The following HDAC9 variants were observed in gnomAD, a reference collection of about 807,000 sequenced individuals.
The protein encoded by HDAC9 is MEF-2 interacting transcription repressor (MITR) protein.
A neutral mutation model predicts 139.4 loss-of-function variants in HDAC9; 41 were observed. That is an observed-to-expected ratio of 0.29 (90% CI 0.23 to 0.38). The LOEUF (loss-of-function observed/expected upper bound fraction) is 0.38. HDAC9 is among the 10% of genes least tolerant of loss of function. The probability of loss-of-function intolerance (pLI) is 1.00; values close to 1 mark genes in which losing one functional copy is unlikely to be tolerated. For synonymous variants in HDAC9, 517 were observed against 476.2 expected, an observed-to-expected ratio of 1.09 and a Z score of -1.12; for missense variants, 1,147 against 1,297.0, an observed-to-expected ratio of 0.88 and a Z score of 1.78.
chr7:18,210,693 G>A (rs1397077567), intron 2 of HDAC9, among the ~76,000 whole-genome samples: 1 of 152,144 alleles, frequency 6.6e-6, no homozygotes, highest in Non-Finnish European at 1.5e-5. Context: ...GTTCAAGGTA[G>A]GATATTAGAT....
intron 1 of HDAC9, among the ~76,000 whole-genome samples, chr7:18,117,966 C>A (rs539623523): frequency 6.6e-6 from 1 of 152,284 alleles, no homozygotes; most frequent in South Asian, 2.1e-4. Context: ...ACACATTAGA[C>A]AACTGGGCTC....
intron 1 of HDAC9, among the ~76,000 whole-genome samples, chr7:18,441,892 C>A (rs971769695): frequency 6.6e-6 from 1 of 152,080 alleles, no homozygotes; most frequent in African/African-American, 2.4e-5. Flanking sequence ...CTCAGCCTCC[C>A]GAGTAGCTGG....
chr7:18,926,032 T>C (rs955140546), intron 22 of HDAC9, among the ~76,000 whole-genome samples: 4 of 152,122 alleles, frequency 2.6e-5, no homozygotes, highest in African/African-American at 9.7e-5. Flanking sequence ...TCTGTAATTG[T>C]TAAATGAAAA....
chr7:18,865,431 A>G (rs1798418186), intron 21 of HDAC9, among the ~76,000 whole-genome samples: 1 of 152,152 alleles, frequency 6.6e-6, no homozygotes, highest in African/African-American at 2.4e-5. Flanking sequence ...GGTGGTGTGA[A>G]GAGTTGGAGG....
At chr7:18,308,720 C>T (rs142729837) in intron 1 of HDAC9, among the ~76,000 whole-genome samples, 14 of 151,922 alleles carry the variant, frequency 9.2e-5, no homozygotes, top group African/African-American at 4.8e-5. Flanking sequence ...TATGTGTGTA[C>T]GTGTGTATAT....
At chr7:18,614,973 T>C (rs1838178615) in intron 6 of HDAC9, among the ~76,000 whole-genome samples, 1 of 152,198 alleles carries the variant, frequency 6.6e-6, no homozygotes, top group Non-Finnish European at 1.5e-5. Context: ...GATACCTCCC[T>C]GTTGACTTTA....
chr7:18,170,861 G>C (rs1788377278), intron 2 of HDAC9, among the ~76,000 whole-genome samples: 1 of 152,200 alleles, frequency 6.6e-6, no homozygotes, highest in Non-Finnish European at 1.5e-5. Flanking sequence ...TTGTAGTATA[G>C]TTTGAAGTCA....
intron 2 of HDAC9, among the ~76,000 whole-genome samples, chr7:18,561,488 G>A (rs1008859282): frequency 2.6e-5 from 4 of 152,246 alleles, no homozygotes; most frequent in Admixed American, 2.0e-4. Context: ...GTACAATTGA[G>A]TATATTTTAG....
chr7:18,285,258 A>C (rs2128221877), intron 2 of HDAC9, among the ~76,000 whole-genome samples: 1 of 152,146 alleles, frequency 6.6e-6, no homozygotes, highest in South Asian at 2.1e-4. Context: ...TTTCTTACTC[A>C]GTATTGTTCA....
Position 18,377,700 on chromosome 7 carries a change from A to G in HDAC9, c.-42+87185A>G, listed in dbSNP as rs75757751. Reference sequence around the variant, plus strand: ...ATTCTTTCAGTAAATTGGGTGGACTATGGATTCATATTGAGCAGTTGTTCT... The same window carrying G: ...ATTCTTTCAGTAAATTGGGTGGACTGTGGATTCATATTGAGCAGTTGTTCT... On this transcript the variant is annotated intron_variant, in intron 1 of 3. Coordinates refer to the HDAC9 transcript ENST00000413509. Among the ~76,000 whole-genome samples the G allele has an allele frequency of 1.7e-3, 252 of 152,286 alleles. 1 individual carries two copies. The East Asian group carries it at 0.036, about 22-fold the overall frequency.
intron 2 of HDAC9, among the ~76,000 whole-genome samples, chr7:18,187,552 C>T (rs1286235136): frequency 1.3e-5 from 2 of 152,148 alleles, no homozygotes; most frequent in Non-Finnish European, 2.9e-5. Flanking sequence ...TAACTCTATT[C>T]CCCTCCACAT....
At chr7:18,858,797 C>T (rs1169819946) in intron 21 of HDAC9, among the ~76,000 whole-genome samples, 5 of 152,070 alleles carry the variant, frequency 3.3e-5, no homozygotes, top group Admixed American at 3.3e-4. Flanking sequence ...TAAGTTGCTG[C>T]TGAATAAATA....
chr7:18,190,864 T>TTACCTTTGTAAACTCC (rs1790302686), intron 2 of HDAC9, among the ~76,000 whole-genome samples: 1 of 152,196 alleles, frequency 6.6e-6, no homozygotes, highest in Non-Finnish European at 1.5e-5. Flanking sequence ...TATGCATGTT[T>TTACCTTTGTAAACTCC]TACCTTTGTA....
At chr7:18,331,716 C>T (rs1053567747) in intron 1 of HDAC9, among the ~76,000 whole-genome samples, 2 of 151,588 alleles carry the variant, frequency 1.3e-5, no homozygotes, top group Admixed American at 6.6e-5. Flanking sequence ...ATACTACCTA[C>T]CTTATTCGAG....
chr7:18,242,923 G>C (rs1295993845), intron 2 of HDAC9, among the ~76,000 whole-genome samples: 1 of 152,140 alleles, frequency 6.6e-6, no homozygotes, highest in Non-Finnish European at 1.5e-5. Flanking sequence ...ATGCTCTGTT[G>C]TTAGGTGCAT....
At chr7:18,915,063 T>C (rs919943059) in intron 22 of HDAC9, among the ~76,000 whole-genome samples, 7 of 152,094 alleles carry the variant, frequency 4.6e-5, no homozygotes, top group Non-Finnish European at 8.8e-5. Flanking sequence ...ATATGACCAC[T>C]GACTGACAAC....
chr7:18,659,512 G>A (rs536708090), intron 11 of HDAC9, among the ~76,000 whole-genome samples: 1 of 152,212 alleles, frequency 6.6e-6, no homozygotes, highest in South Asian at 2.1e-4. Flanking sequence ...CTGGCACACA[G>A]AACAACATCT....
At chr7:18,093,207 C>T (rs1370667778) in intron 1 of HDAC9, among the ~76,000 whole-genome samples, 2 of 152,170 alleles carry the variant, frequency 1.3e-5, no homozygotes, top group South Asian at 2.1e-4. Flanking sequence ...CTCCCTTCTC[C>T]CCTGGCAGGT....
intron 6 of HDAC9, among the ~76,000 whole-genome samples, chr7:18,608,357 G>C (rs138160425): frequency 7.7e-4 from 117 of 152,178 alleles, no homozygotes; most frequent in African/African-American, 2.7e-3. Context: ...ACAGTTTGAC[G>C]TGACATGTAA....
Sources: allele counts gnomAD v4.1 joint callset (sites outside exome capture counted in the v4.1 genomes callset), GRCh38; gene constraint gnomAD v4.1.1; transcripts MANE v1.5; gene names NCBI Gene and HGNC (gene_info 2026-07-23, HGNC 2026-07-21).